The following FBXO11 variants were observed in gnomAD, a reference collection of about 807,000 sequenced individuals.
FBXO11 encodes the protein F-box protein 11, also known as F-box only protein 11.
A neutral mutation model predicts 117.0 loss-of-function variants in FBXO11; 13 were observed. The observed-to-expected ratio is 0.11, with a 90% CI of 0.07 to 0.18. The LOEUF is 0.18. Among genes scored for constraint, FBXO11 ranks in the 10% least tolerant of loss-of-function variants. The pLI, the probability that FBXO11 is intolerant of heterozygous loss-of-function variation, is 1.00. For synonymous variants in FBXO11, 490 were observed against 380.5 expected, an observed-to-expected ratio of 1.29 and a Z score of -3.35; for missense variants, 767 against 1,164.4, an observed-to-expected ratio of 0.66 and a Z score of 4.97.
chr2:47,871,732 G>T (rs895506683), intron 1 of FBXO11, among the ~76,000 whole-genome samples: 27 of 152,112 alleles, frequency 1.8e-4, no homozygotes, highest in African/African-American at 5.1e-4. Flanking sequence ...TCCCTTGTTA[G>T]ATTTCACATT....
rs1671445355 is a variant in FBXO11 at position 47,822,239 on chromosome 2, T to C, written c.1681A>G (p.Ile561Val). The C allele has an allele frequency of 1.3e-6, 2 of 1,599,860 alleles. No individual in the cohort carries two copies. The highest frequency in any genetic ancestry group is 1.7e-6 in the Non-Finnish European group (2 of 1,172,924). The change falls in exon 13 of 23, where the codon ATT becomes GTT. Residue 561 changes from isoleucine (I) to valine (V), a missense_variant. Around this residue, in one of 10 missense-constraint regions of FBXO11, gnomAD observed 67 missense variants for 148.8 expected, o/e 0.45. Transcript: ENST00000403359. The part of the protein sequence containing the change: ...VYIFGDGRGL[I>V]EGNDIYGNAL... ...TTACCATAAATGTCATTTCCTTCAA[T>C]AAGGCCTCGTCCATCACCAAAGATG...
chr2:47,892,857 GT>G (rs966629750), intron 1 of FBXO11, among the ~76,000 whole-genome samples: 35 of 151,022 alleles, frequency 2.3e-4, no homozygotes, highest in Non-Finnish European at 3.4e-4. Flanking sequence ...TTATCTAGGC[GT>G]TTTTTTTTAA....
chr2:47,905,712 G>C lies in FBXO11; in HGVS notation c.9C>G (p.Ser3=). 6.6e-7 allele frequency: 1 copy of C among 1,524,542 alleles called. No homozygotes were observed. Among genetic ancestry groups the C allele is most frequent in the Non-Finnish European group, 8.8e-7 (1 of 1,138,336 alleles). The allele number at this position is 1,524,542 out of a possible 1,614,324, so 94.4% of individuals were successfully genotyped here. A position where few individuals can be genotyped will look rare whatever the true frequency, so the allele number is the denominator to read the frequency against. MN[S]VRAANRRPRR... ...TGGGTCTCCGGTTGGCGGCTCGGAC[G>C]GAGTTCATTTGCCGGGCTGAGGTGG... Residue 3 remains serine, a synonymous_variant, in exon 1 of 23, where the codon TCC becomes TCG. Transcript: ENST00000403359.
intron 18 of FBXO11, 107 bp downstream of exon 18, chr2:47,813,127 T>G: frequency 8.8e-7 from 1 of 1,139,212 alleles, no homozygotes. Flanking sequence ...GAAAAAGACT[T>G]GAGATTCACT....
intron 4 of FBXO11, among the ~76,000 whole-genome samples, chr2:47,837,514 C>A (rs575963389): frequency 1.2e-4 from 19 of 152,020 alleles, no homozygotes; most frequent in Non-Finnish European, 2.6e-4. Flanking sequence ...GCAACAAGAA[C>A]GAAACTCCGT....
intron 1 of FBXO11, among the ~76,000 whole-genome samples, chr2:47,887,869 T>A (rs1676981820): frequency 6.6e-6 from 1 of 151,894 alleles, no homozygotes. Flanking sequence ...AAAAACCCAT[T>A]AGCGGGCTTG....
chr2:47,880,740 A>G (rs991276498), intron 1 of FBXO11, among the ~76,000 whole-genome samples: 2 of 152,180 alleles, frequency 1.3e-5, no homozygotes, highest in African/African-American at 4.8e-5. Flanking sequence ...GTTTTTTAGT[A>G]TGAACTCCAC....
chr2:47,897,862 T>C (rs1157288907), intron 1 of FBXO11, among the ~76,000 whole-genome samples: 2 of 152,162 alleles, frequency 1.3e-5, no homozygotes, highest in Non-Finnish European at 2.9e-5. Flanking sequence ...AAAGTACATA[T>C]TCTTACTCCA....
chr2:47,815,986 G>A (rs1670977605), intron 16 of FBXO11, among the ~76,000 whole-genome samples: 1 of 152,226 alleles, frequency 6.6e-6, no homozygotes. Context: ...AGCACCCGAT[G>A]TGTTCACGAC....
At chr2:47,854,221 G>C (rs562891476) in intron 1 of FBXO11, among the ~76,000 whole-genome samples, 10 of 150,764 alleles carry the variant, frequency 6.6e-5, no homozygotes, top group Admixed American at 5.9e-4. Flanking sequence ...TTTTTGAGAC[G>C]GAGTCTCGCT....
At chr2:47,901,528 C>G (rs1280460238) in intron 1 of FBXO11, among the ~76,000 whole-genome samples, 1 of 152,014 alleles carries the variant, frequency 6.6e-6, no homozygotes, top group African/African-American at 2.4e-5. Flanking sequence ...TAGCTGGAGG[C>G]TGATGTACGA....
At chr2:47,840,669 G>T (rs1273233225) in intron 1 of FBXO11, among the ~76,000 whole-genome samples, 1 of 151,428 alleles carries the variant, frequency 6.6e-6, no homozygotes, top group East Asian at 2.0e-4. Context: ...GCCCAGGCTG[G>T]TCTCAGACTC....
intron 1 of FBXO11, among the ~76,000 whole-genome samples, chr2:47,891,800 A>C (rs1000837840): frequency 6.6e-6 from 1 of 152,040 alleles, no homozygotes; most frequent in Non-Finnish European, 1.5e-5. Context: ...TGTTTTTTTT[A>C]AACAGTCATC....
intron 1 of FBXO11, among the ~76,000 whole-genome samples, chr2:47,874,038 C>T (rs958575835): frequency 6.6e-6 from 1 of 151,900 alleles, no homozygotes; most frequent in African/African-American, 2.4e-5. Flanking sequence ...CATAGTGAAA[C>T]CCCGTCTCTA....
chr2:47,809,909 C>G lies in FBXO11; in HGVS notation c.2339-202G>C, dbSNP rs1670495704. ...TGACTATGGTCAAAACTGCAATTAA[C>G]TTTCGCACCAACCTAACTGTCTTAA... On this transcript the variant is annotated intron_variant, in intron 19 of 22. Transcript: ENST00000403359. 3 of 541,970 alleles carry G rather than the reference C, an allele frequency of 5.5e-6. No homozygotes were observed. The Admixed American group carries it at 1.1e-4, about 19-fold the overall frequency. The allele number at this position is 541,970 out of a possible 1,614,324, so 33.6% of individuals were successfully genotyped here.
chr2:47,808,740 C>T (rs1670401533), intron 21 of FBXO11: 1 of 320,160 alleles, frequency 3.1e-6, no homozygotes. Context: ...GTCACAGTGA[C>T]TGGGATATAT....
chr2:47,810,640 A>C (rs920076950), intron 18 of FBXO11: 2 of 442,876 alleles, frequency 4.5e-6, no homozygotes, highest in African/African-American at 2.0e-5. Context: ...TCTGACCAAT[A>C]ATCTGCCATC....
chr2:47,828,666 A>G (rs984757874), intron 11 of FBXO11, among the ~76,000 whole-genome samples: 2 of 152,066 alleles, frequency 1.3e-5, no homozygotes, highest in African/African-American at 2.4e-5. Context: ...GAAACTCTCC[A>G]GATTAAAAAA....
At chr2:47,840,867 G>C (rs1032919332) in intron 1 of FBXO11, among the ~76,000 whole-genome samples, 13 of 148,812 alleles carry the variant, frequency 8.7e-5, no homozygotes, top group African/African-American at 2.0e-4. Flanking sequence ...AAAAAAAAAA[G>C]ATTATTTGAA....
Sources: gnomAD v4.1 joint callset for allele counts (sites outside exome capture counted in the v4.1 genomes callset) on GRCh38, gnomAD v4.1.1 for gene constraint, gnomAD v4.1.1 regional missense constraint, MANE v1.5 for transcripts, NCBI Gene and HGNC (gene_info 2026-07-23, HGNC 2026-07-21) for gene names.